The following RGS3 variants were observed in gnomAD, a reference collection of about 807,000 sequenced individuals.
RGS3 encodes regulator of G-protein signalling 3.
A neutral mutation model predicts 132.6 loss-of-function variants in RGS3; 80 were observed. That is an observed-to-expected ratio of 0.60 (90% CI 0.50 to 0.73). The LOEUF is 0.73. Among genes scored for constraint, RGS3 ranks in the 30% least tolerant of loss-of-function variants. The pLI is 0.00. For missense variants in RGS3, 1,382 were observed against 1,530.8 expected, an observed-to-expected ratio of 0.90 and a Z score of 1.62; for synonymous variants, 598 against 620.6, an observed-to-expected ratio of 0.96 and a Z score of 0.54.
chr9:113,523,091 C>A, intron 17 of RGS3, 50 bp downstream of exon 15: 2 of 1,204,960 alleles, frequency 1.7e-6, no homozygotes, highest in South Asian at 1.2e-5. Flanking sequence ...TGCCCCAGTC[C>A]CACTGCTCTG....
intron 19 of RGS3, among the ~76,000 whole-genome samples, chr9:113,556,851 C>T (rs1042093662): frequency 2.0e-5 from 3 of 152,222 alleles, no homozygotes; most frequent in Non-Finnish European, 2.9e-5. Context: ...TTCCCTCCCT[C>T]CTCTTCCCTT....
At chr9:113,514,245 C>T (rs867017342) in intron 14 of RGS3, among the ~76,000 whole-genome samples, 1 of 152,200 alleles carries the variant, frequency 6.6e-6, no homozygotes, top group Non-Finnish European at 1.5e-5. Flanking sequence ...GCTCACGTGT[C>T]AACGTCTCTC....
At chr9:113,474,182 C>T (rs1269033004) in intron 3 of RGS3, among the ~76,000 whole-genome samples, 1 of 152,164 alleles carries the variant, frequency 6.6e-6, no homozygotes, top group East Asian at 1.9e-4. Context: ...GGAAAAAGAG[C>T]TTGGGAAACT....
In RGS3 at chr9:113,591,774, A is replaced by C. The variant is rs746504104; in HGVS notation, c.3080+377A>C. 6.4e-5 allele frequency: 13 copies of C among 203,858 alleles called. No individual in the cohort carries two copies. The highest frequency in any genetic ancestry group is 1.5e-4 in the Admixed American group (3 of 19,630). The allele number at this position is 203,858 out of a possible 1,614,324, so 12.6% of individuals were successfully genotyped here. A position where few individuals can be genotyped will look rare whatever the true frequency, so the allele number is the denominator to read the frequency against. ...CTGAGAAGGGGTGGAACTGACAGTC[A>C]TTGGCTCCTCTTTCTCTTCCTGAGC... is the stretch of plus-strand genomic sequence containing the variant. On this transcript the variant is annotated intron_variant, in intron 21 of 24. Transcript: ENST00000350696. The surrounding 1 kb of genome is among the most constrained non-coding windows in gnomAD (Gnocchi z 4.4).
chr9:113,572,247 T>C (rs72763828), intron 19 of RGS3, among the ~76,000 whole-genome samples: 17,864 of 151,794 alleles, frequency 0.12, 1,237 homozygotes, highest in African/African-American at 0.19. Context: ...AGGAGACCAA[T>C]ATAGGCAAGT....
chr9:113,487,150 G>T (rs1406931589), intron 7 of RGS3, among the ~76,000 whole-genome samples: 1 of 147,936 alleles, frequency 6.8e-6, no homozygotes, highest in Non-Finnish European at 1.5e-5. Context: ...TGTCGCCCAG[G>T]CCGGACTGCG....
At chr9:113,562,768 A>C (rs1833847490) in intron 19 of RGS3, among the ~76,000 whole-genome samples, 1 of 152,192 alleles carries the variant, frequency 6.6e-6, no homozygotes, top group Non-Finnish European at 1.5e-5. Flanking sequence ...GGATGTGGTG[A>C]ACAGAGCACT....
chr9:113,491,838 G>GC (rs1489142554), intron 7 of RGS3, among the ~76,000 whole-genome samples: 1 of 152,258 alleles, frequency 6.6e-6, no homozygotes, highest in Non-Finnish European at 1.5e-5. Context: ...ACAGGCGTGA[G>GC]CCACTGCGCC....
intron 3 of RGS3, among the ~76,000 whole-genome samples, chr9:113,465,478 T>TGTGTGTGC (rs1554754585): frequency 2.6e-5 from 4 of 151,682 alleles, no homozygotes; most frequent in Non-Finnish European, 4.4e-5. Flanking sequence ...TGTGTGTGTG[T>TGTGTGTGC]GTGCCTGTGT....
intron 19 of RGS3, among the ~76,000 whole-genome samples, chr9:113,559,933 G>C (rs774217036): frequency 4.6e-5 from 7 of 152,136 alleles, no homozygotes; most frequent in Non-Finnish European, 1.0e-4. Context: ...AACAATGATG[G>C]CTCTTATTTA....
rs1248737536 is a variant in RGS3, at chr9:113,579,498, T to G, written c.2038-3952T>G. ...CCAGCCAAGCCAAAGAAGTGATGGA[T>G]GGGAAAGACACAGACCCCCACCTTG... On this transcript the variant is annotated intron_variant, in intron 19 of 24. Coordinates refer to ENST00000350696, the Ensembl canonical transcript of RGS3. The surrounding 1 kb of genome is among the most constrained non-coding windows in gnomAD (Gnocchi z 4.3). Among the ~76,000 whole-genome samples, 1 of 152,176 alleles carries G rather than the reference T, an allele frequency of 6.6e-6. No individual in the cohort carries two copies. Among genetic ancestry groups the G allele is most frequent in the Admixed American group, 6.5e-5 (1 of 15,280 alleles).
At position 113,507,662 on chromosome 9, in the gene RGS3, G is replaced by T; in HGVS notation, c.1437+24G>T. On this transcript the variant is annotated intron_variant, in intron 13 of 24. Transcript: ENST00000350696. This position sits in a 1 kb window ranked among gnomAD's most constrained non-coding sequence, Gnocchi z 5.0. ...AGGTACGGACAGCTGGTGTGGGGAA[G>T]GTGAAGGGTACTGGGTCCCTGTGGG... is the stretch of plus-strand genomic sequence containing the variant. 6.9e-7 allele frequency: 1 copy of T among 1,443,724 alleles called. No individual in the cohort carries two copies. Among genetic ancestry groups the T allele is most frequent in the Admixed American group, 2.8e-5 (1 of 35,482 alleles). The allele number at this position is 1,443,724 out of a possible 1,614,324, so 89.4% of individuals were successfully genotyped here. A position where few individuals can be genotyped will look rare whatever the true frequency, so the allele number is the denominator to read the frequency against.
rs1831208827 is a variant in RGS3, at chr9:113,507,860, G to A, written c.1437+222G>A. ...GGGCACAGATTCAAGACCAGGGCATGCACAGGCTGGAAGATTTCAACTCAC... is the reference window on the plus strand; with the variant it reads ...GGGCACAGATTCAAGACCAGGGCATACACAGGCTGGAAGATTTCAACTCAC... On this transcript the variant is annotated intron_variant, in intron 13 of 24. Coordinates refer to ENST00000350696, the Ensembl canonical transcript of RGS3. This position sits in a 1 kb window ranked among gnomAD's most constrained non-coding sequence, Gnocchi z 5.0. 6.6e-6 allele frequency among the ~76,000 whole-genome samples: 1 copy of A among 152,214 alleles called. No homozygotes were observed. The highest frequency in any genetic ancestry group is 1.5e-5 in the Non-Finnish European group (1 of 68,036).
At chr9:113,594,498 C>T (rs374543370) in exon 22 of RGS3, 33 of 1,613,580 alleles carry the variant, frequency 2.0e-5, no homozygotes, top group Admixed American at 1.0e-4. Context: ...GCCCCTCCCG[C>T]GGGCAAGGCA....
At chr9:113,513,423 G>C (rs749823960) in intron 14 of RGS3, among the ~76,000 whole-genome samples, 12 of 152,170 alleles carry the variant, frequency 7.9e-5, no homozygotes, top group Non-Finnish European at 1.6e-4. Context: ...TACCTCCTGG[G>C]TACAGTGAAG....
chr9:113,532,732 AG>A (rs1169859500), intron 18 of RGS3, among the ~76,000 whole-genome samples: 1 of 152,076 alleles, frequency 6.6e-6, no homozygotes, highest in Non-Finnish European at 1.5e-5. Flanking sequence ...ATGGGATTTG[AG>A]GGGGCTGCCT....
At chr9:113,466,496 G>T (rs1829649379) in intron 3 of RGS3, among the ~76,000 whole-genome samples, 1 of 152,236 alleles carries the variant, frequency 6.6e-6, no homozygotes, top group Admixed American at 6.5e-5. Context: ...AAAGGAGTAT[G>T]TTCAAGTGAC....
chr9:113,577,509 C>T (rs930132634), intron 19 of RGS3, among the ~76,000 whole-genome samples: 17 of 152,176 alleles, frequency 1.1e-4, no homozygotes, highest in African/African-American at 3.9e-4. Flanking sequence ...TTCATTGATA[C>T]AGGGACCATT....
At chr9:113,548,140 T>A (rs1002663599) in intron 19 of RGS3, among the ~76,000 whole-genome samples, 1 of 152,104 alleles carries the variant, frequency 6.6e-6, no homozygotes, top group African/African-American at 2.4e-5. Flanking sequence ...CCCACTGAGA[T>A]CAATTGATTA....
Sources: allele counts gnomAD v4.1 joint callset (sites outside exome capture counted in the v4.1 genomes callset), GRCh38; gene constraint gnomAD v4.1.1; non-coding constraint Gnocchi (gnomAD v3.1); transcripts MANE v1.5; gene names NCBI Gene and HGNC (gene_info 2026-07-23, HGNC 2026-07-21).